Variants in PTPRM observed in about 807,000 individuals in gnomAD.
PTPRM encodes the protein protein tyrosine phosphatase receptor type M, also known as receptor-type tyrosine-protein phosphatase mu.
PTPRM carries 47 observed loss-of-function variants against 186.7 expected under a neutral mutation model. The observed-to-expected ratio is 0.25, with a 90% confidence interval of 0.20 to 0.32. The LOEUF is 0.32. Ranked by LOEUF, PTPRM falls within the 10% of genes least tolerant of loss-of-function variation. The pLI, the probability that PTPRM is intolerant of heterozygous loss-of-function variation, is 1.00. For missense variants in PTPRM, 1,494 were observed against 1,865.0 expected (o/e 0.80, Z 3.66); for synonymous variants, 668 against 674.9 (o/e 0.99, Z 0.16).
At chr18:7,822,977 C>A (rs1290835914) in intron 2 of PTPRM, among the ~76,000 whole-genome samples, 4 of 152,154 alleles carry the variant, frequency 2.6e-5, no homozygotes, top group Non-Finnish European at 4.4e-5. Flanking sequence ...CAGCAGCATT[C>A]CTGGCCTCTG....
At chr18:7,784,244 A>G (rs2042993584) in intron 2 of PTPRM, among the ~76,000 whole-genome samples, 1 of 152,186 alleles carries the variant, frequency 6.6e-6, no homozygotes, top group South Asian at 2.1e-4. Flanking sequence ...AGGAACAAAT[A>G]GAAGTTCCTT....
intron 1 of PTPRM, among the ~76,000 whole-genome samples, chr18:7,766,554 G>A (rs1033729852): frequency 6.6e-6 from 1 of 152,198 alleles, no homozygotes; most frequent in Non-Finnish European, 1.5e-5. Context: ...GGCCGTGAAA[G>A]TTATTCATAG....
intron 1 of PTPRM, among the ~76,000 whole-genome samples, chr18:7,583,988 G>T (rs2036912135): frequency 6.6e-6 from 1 of 152,106 alleles, no homozygotes; most frequent in South Asian, 2.1e-4. Flanking sequence ...AAGAAAACAT[G>T]TAGATCTGTA....
intron 2 of PTPRM, among the ~76,000 whole-genome samples, chr18:7,800,269 A>G (rs2043887517): frequency 6.6e-6 from 1 of 152,244 alleles, no homozygotes; most frequent in Admixed American, 6.5e-5. Context: ...GGAAATATTA[A>G]CAGCCATGCA....
chr18:8,074,738 C>A (rs2089700490), intron 8 of PTPRM, among the ~76,000 whole-genome samples: 1 of 152,136 alleles, frequency 6.6e-6, no homozygotes, highest in African/African-American at 2.4e-5. Context: ...TTGCCCATTT[C>A]TAATTGTACT....
chr18:7,787,594 T>C (rs1184703291), intron 2 of PTPRM, among the ~76,000 whole-genome samples: 2 of 152,214 alleles, frequency 1.3e-5, no homozygotes, highest in African/African-American at 2.4e-5. Flanking sequence ...CCCAGATGCC[T>C]GAGTGAGGAA....
chr18:8,324,532 G>C (rs1197510972), intron 22 of PTPRM, among the ~76,000 whole-genome samples: 2 of 152,200 alleles, frequency 1.3e-5, no homozygotes, highest in African/African-American at 4.8e-5. Flanking sequence ...ACCACAGCCA[G>C]AAGGCTGGGA....
At chr18:7,707,414 TAAGGCTGG>T (rs2040117971) in intron 1 of PTPRM, among the ~76,000 whole-genome samples, 1 of 152,034 alleles carries the variant, frequency 6.6e-6, no homozygotes, top group South Asian at 2.1e-4. Context: ...GGGGATCACT[TAAGGCTGG>T]AAGTTTGTGA....
At chr18:8,224,875 CT>C (rs2094195207) in intron 14 of PTPRM, among the ~76,000 whole-genome samples, 2 of 152,208 alleles carry the variant, frequency 1.3e-5, no homozygotes, top group South Asian at 4.1e-4. Flanking sequence ...ATTGATTCAA[CT>C]TTCTTATTTT....
At chr18:7,898,281 G>C (rs1326053236) in intron 3 of PTPRM, among the ~76,000 whole-genome samples, 1 of 152,174 alleles carries the variant, frequency 6.6e-6, no homozygotes, top group Non-Finnish European at 1.5e-5. Flanking sequence ...GAGAACCAAC[G>C]TTTAATCCCC....
intron 32 of PTPRM, chr18:8,403,095 T>C (rs751161289): frequency 3.3e-5 from 5 of 152,228 alleles, no homozygotes; most frequent in Non-Finnish European, 7.3e-5. Flanking sequence ...TTGGCCAAGA[T>C]GTCGGGGATG....
chr18:8,220,357 C>A (rs193085019), intron 14 of PTPRM, among the ~76,000 whole-genome samples: 8 of 152,308 alleles, frequency 5.3e-5, no homozygotes, highest in Admixed American at 5.2e-4. Flanking sequence ...AGCCATTTAT[C>A]AGAGTTCTTT....
At chr18:7,898,316 A>T (rs749410463) in intron 3 of PTPRM, among the ~76,000 whole-genome samples, 22 of 152,184 alleles carry the variant, frequency 1.4e-4, no homozygotes, top group Admixed American at 9.8e-4. Context: ...CTGACTAATG[A>T]CTTCCACCAG....
At chr18:8,063,185 A>C (rs1489678203) in intron 7 of PTPRM, among the ~76,000 whole-genome samples, 1 of 151,336 alleles carries the variant, frequency 6.6e-6, no homozygotes, top group African/African-American at 2.4e-5. Context: ...AGCCGGTCTG[A>C]AAAGCGCAGT....
chr18:8,034,543 A>G lies in PTPRM; in HGVS notation c.1133-35143A>G, dbSNP rs1251360364. On this transcript the variant is annotated intron_variant, in intron 7 of 32. Coordinates refer to ENST00000580170, the MANE Select transcript of PTPRM (RefSeq NM_001105244.2). ...GACATTCTCATTCCACAAAAGAGAA[A>G]CTGGAAGGAATAAAGGGGCCACAAG... 4.6e-5 allele frequency among the ~76,000 whole-genome samples: 7 copies of G among 152,286 alleles called. No individual in the cohort carries two copies. The East Asian group carries it at 1.3e-3, about 29-fold the overall frequency.
intron 14 of PTPRM, among the ~76,000 whole-genome samples, chr18:8,235,647 C>T (rs1164914291): frequency 3.3e-5 from 5 of 151,050 alleles, no homozygotes; most frequent in South Asian, 4.2e-4. Flanking sequence ...TTTTAGATTC[C>T]GTAGGTGGGA....
At chr18:8,111,882 C>T (rs1009498857) in intron 11 of PTPRM, among the ~76,000 whole-genome samples, 7 of 152,158 alleles carry the variant, frequency 4.6e-5, no homozygotes, top group Non-Finnish European at 8.8e-5. Context: ...CCTCCAAAAG[C>T]GATTTCAAGA....
intron 11 of PTPRM, among the ~76,000 whole-genome samples, chr18:8,089,859 A>G (rs937998494): frequency 1.3e-5 from 2 of 152,174 alleles, no homozygotes; most frequent in Admixed American, 6.6e-5. Context: ...CCAGAATAGT[A>G]TTAGTTTTTA....
At chr18:8,397,575 G>A (rs754285838) in intron 32 of PTPRM, among the ~76,000 whole-genome samples, 8 of 152,004 alleles carry the variant, frequency 5.3e-5, no homozygotes, top group Non-Finnish European at 1.0e-4. Context: ...TTTTCAGCCC[G>A]CTTCTAAGTT....
Sources: allele counts gnomAD v4.1 joint callset (sites outside exome capture counted in the v4.1 genomes callset), GRCh38; gene constraint gnomAD v4.1.1; transcripts MANE v1.5; gene names NCBI Gene and HGNC (gene_info 2026-07-23, HGNC 2026-07-21).